Variants in PSME3IP1 observed in about 807,000 individuals in gnomAD.
PSME3IP1 encodes the protein proteasome activator subunit 3 interacting protein 1, also known as PSME3-interacting protein.
In PSME3IP1, 13 loss-of-function variants were observed where a neutral mutation model predicts 34.1. The ratio of observed to expected loss-of-function variants is 0.38; its 90% CI spans 0.25 to 0.61. The LOEUF (loss-of-function observed/expected upper bound fraction) is 0.61, where lower values mean the gene tolerates loss of function less well. Ranked by LOEUF, PSME3IP1 falls within the 20% of genes least tolerant of loss-of-function variation. The pLI, the probability that PSME3IP1 is intolerant of heterozygous loss-of-function variation, is 0.60. For synonymous variants in PSME3IP1, 93 were observed against 114.3 expected (o/e 0.81, Z 1.19); for missense variants, 237 against 301.4 (o/e 0.79, Z 1.58).
chr16:57,156,108 C>T (rs1407274758), intron 6 of PSME3IP1, among the ~76,000 whole-genome samples: 4 of 152,144 alleles, frequency 2.6e-5, no homozygotes, highest in Admixed American at 6.5e-5. Context: ...GAAATGTTTC[C>T]GGCCTTATTT....
At chr16:57,174,837 G>T in intron 1 of PSME3IP1, 1 of 272,426 alleles carries the variant, frequency 3.7e-6, no homozygotes, top group South Asian at 1.4e-4. Context: ...TAAACCCCTT[G>T]TCTGTGCCAT....
In PSME3IP1 at chr16:57,167,337, C is replaced by G. The variant is rs544471828; in HGVS notation, c.349-111G>C. On this transcript the variant is annotated intron_variant, in intron 4 of 6. Coordinates refer to ENST00000309137, the MANE Select transcript of PSME3IP1 (RefSeq NM_024946.4). ...CTGGCCTACTTATTTAAATAAATGCCCCACCCTTCTTTATTCTGCCAGTCA... is the reference window on the plus strand; with the variant it reads ...CTGGCCTACTTATTTAAATAAATGCGCCACCCTTCTTTATTCTGCCAGTCA... 2.8e-5 allele frequency: 33 copies of G among 1,194,968 alleles called. No individual in the cohort carries two copies. The African/African-American group carries it at 3.9e-4, about 14-fold the overall frequency. 74.0% of individuals were successfully genotyped at this position (1,194,968 alleles called of 1,614,324 possible).
chr16:57,153,908 C>A lies in PSME3IP1; in HGVS notation c.*382G>T. ...TGTTTAAATAACACCTGTCCAATAA[C>A]TGCCCTTACTTCTTTGTGCTGTCGG... On this transcript the variant is annotated 3_prime_UTR_variant, in exon 7 of 7. Coordinates refer to ENST00000309137, the MANE Select transcript of PSME3IP1 (RefSeq NM_024946.4). The A allele has an allele frequency of 4.6e-6, 1 of 219,674 alleles. No homozygotes were observed. Among genetic ancestry groups the A allele is most frequent in the Non-Finnish European group, 9.2e-6 (1 of 108,770 alleles). 13.6% of individuals were successfully genotyped at this position (219,674 alleles called of 1,614,324 possible).
rs1453964619 is a variant in PSME3IP1 at position 57,173,780 on chromosome 16, GCGC to G, written c.72_74del (p.Arg25del). 5 of 1,613,906 alleles carry G rather than the reference GCGC, an allele frequency of 3.1e-6. No individual in the cohort carries two copies. Among genetic ancestry groups the G allele is most frequent in the Non-Finnish European group, 4.2e-6 (5 of 1,180,002 alleles). On this transcript the variant is annotated inframe_deletion, in exon 2 of 7. Transcript: ENST00000309137. ...TCTCCCATTCTTCTTGCCTCCTTTT[GCGC>G]CGTTCATCTAGTTCTGCCTCAGACA...
intron 5 of PSME3IP1, among the ~76,000 whole-genome samples, chr16:57,166,717 G>A (rs1312960905): frequency 6.6e-6 from 1 of 152,118 alleles, no homozygotes; most frequent in East Asian, 1.9e-4. Flanking sequence ...GTTTCTCTAT[G>A]ATCTTGCACA....
intron 1 of PSME3IP1, chr16:57,174,647 T>C (rs1273291678): frequency 1.0e-6 from 1 of 985,356 alleles, no homozygotes; most frequent in Admixed American, 6.1e-5. Context: ...TAGATTAAGA[T>C]GGAGAATCTC....
At chr16:57,177,868 G>A (rs879909215) in intron 1 of PSME3IP1, among the ~76,000 whole-genome samples, 2 of 152,170 alleles carry the variant, frequency 1.3e-5, no homozygotes, top group Non-Finnish European at 2.9e-5. Flanking sequence ...ATGTGTGCCT[G>A]TAGTCCCAGC....
intron 1 of PSME3IP1, among the ~76,000 whole-genome samples, chr16:57,182,912 A>C (rs1227465574): frequency 6.6e-6 from 1 of 152,206 alleles, no homozygotes; most frequent in African/African-American, 2.4e-5. Flanking sequence ...CTCCATCTCA[A>C]AGAAAAAAGA....
chr16:57,172,190 T>A lies in PSME3IP1; in HGVS notation c.348+61A>T, dbSNP rs1335675040. ...TCTTTCTGTTGATGAGGAGACAACATCCATAGATGCTGATGAGAAAATGGA... is the reference window on the plus strand; with the variant it reads ...TCTTTCTGTTGATGAGGAGACAACAACCATAGATGCTGATGAGAAAATGGA... On this transcript the variant is annotated intron_variant, in intron 4 of 6. Transcript: ENST00000309137. 4.4e-6 allele frequency: 7 copies of A among 1,586,946 alleles called. No homozygotes were observed. The Admixed American group carries it at 1.0e-4, about 23-fold the overall frequency.
At chr16:57,172,191 C>T in intron 4 of PSME3IP1, 60 bp downstream of exon 4, 1 of 1,588,938 alleles carries the variant, frequency 6.3e-7, no homozygotes, top group Non-Finnish European at 8.6e-7. Context: ...GAGACAACAT[C>T]CATAGATGCT....
At chr16:57,177,120 G>A (rs2073248629) in intron 1 of PSME3IP1, among the ~76,000 whole-genome samples, 1 of 152,034 alleles carries the variant, frequency 6.6e-6, no homozygotes, top group African/African-American at 2.4e-5. Flanking sequence ...CTCCCAAAGT[G>A]TTGGGATTAC....
At position 57,153,427 on chromosome 16, in the gene PSME3IP1, T is replaced by G. The variant is rs2070152659; in HGVS notation, c.*863A>C. 1 of 152,242 alleles carries G rather than the reference T, an allele frequency of 6.6e-6. No homozygotes were observed. Among genetic ancestry groups the G allele is most frequent in the African/African-American group, 2.4e-5 (1 of 41,472 alleles). 9.4% of individuals were successfully genotyped at this position (152,242 alleles called of 1,614,324 possible). A position where few individuals can be genotyped will look rare whatever the true frequency, so the allele number is the denominator to read the frequency against. ...AAGTGTGTCCCACTCATTTACAATA[T>G]TAGGATTCCAGGAGCTGCCAGAAAT... On this transcript the variant is annotated 3_prime_UTR_variant, in exon 7 of 7. Transcript: ENST00000309137.
intron 4 of PSME3IP1, among the ~76,000 whole-genome samples, 190 bp downstream of exon 4, chr16:57,172,061 C>T (rs7186757): frequency 0.028 from 4,276 of 152,276 alleles, 218 homozygotes; most frequent in African/African-American, 0.096. Context: ...TTGACTATAA[C>T]ACTCTTGCAC....
intron 1 of PSME3IP1, among the ~76,000 whole-genome samples, chr16:57,179,417 T>C (rs2073490836): frequency 6.6e-6 from 1 of 152,212 alleles, no homozygotes; most frequent in African/African-American, 2.4e-5. Context: ...ACTGAACTAC[T>C]GGGTTTACAT....
chr16:57,154,519 G>A lies in PSME3IP1; in HGVS notation c.548-12C>T, dbSNP rs2070290246. On this transcript the variant is annotated splice_polypyrimidine_tract_variant and intron_variant, in intron 6 of 6. Transcript: ENST00000309137. The surrounding 1 kb of genome is among the most constrained non-coding windows in gnomAD (Gnocchi z 4.0). ...GCAGGATGAGGGCTCTGCAATAAAA[G>A]GGGAAAGACTGTCACTTCATCACCC... 1 of 1,587,226 alleles carries A rather than the reference G, an allele frequency of 6.3e-7. No individual in the cohort carries two copies.
intron 1 of PSME3IP1, chr16:57,178,485 G>A (rs2073403246): frequency 1.2e-6 from 1 of 860,472 alleles, no homozygotes; most frequent in African/African-American, 1.8e-5. Context: ...GCATATATTA[G>A]GTATTCAAAT....
intron 3 of PSME3IP1, 41 bp downstream of exon 3, chr16:57,172,734 AC>A (rs1213491703): frequency 1.1e-5 from 15 of 1,421,032 alleles, no homozygotes; most frequent in Non-Finnish European, 1.5e-5. Context: ...CGTCAAAAGT[AC>A]CCCACAGAGC....
intron 6 of PSME3IP1, among the ~76,000 whole-genome samples, chr16:57,155,248 C>T (rs1239390316): frequency 1.3e-5 from 2 of 152,180 alleles, no homozygotes; most frequent in African/African-American, 4.8e-5. Context: ...TGCAGAATGT[C>T]ATCTAGGAGC....
chr16:57,163,654 C>G (rs1380805618), intron 6 of PSME3IP1, among the ~76,000 whole-genome samples: 2 of 152,178 alleles, frequency 1.3e-5, no homozygotes, highest in Non-Finnish European at 2.9e-5. Flanking sequence ...GGTAGCAAAC[C>G]AGGTGAAATC....
Sources: allele counts gnomAD v4.1 joint callset (sites outside exome capture counted in the v4.1 genomes callset), GRCh38; gene constraint gnomAD v4.1.1; non-coding constraint Gnocchi (gnomAD v3.1); transcripts MANE v1.5; gene names NCBI Gene and HGNC (gene_info 2026-07-23, HGNC 2026-07-21).